Variants in VAV1 observed in about 807,000 individuals in gnomAD.
VAV1 encodes vav guanine nucleotide exchange factor 1, also known as proto-oncogene vav.
Under a neutral mutation model 128.1 loss-of-function variants are expected in VAV1, and 33 were observed. That is an observed-to-expected ratio of 0.26 (90% confidence interval 0.20 to 0.34). The LOEUF (loss-of-function observed/expected upper bound fraction) is 0.34. Among genes scored for constraint, VAV1 ranks in the 10% least tolerant of loss-of-function variants. The probability of loss-of-function intolerance (pLI) is 1.00; values close to 1 mark genes in which losing one functional copy is unlikely to be tolerated. For synonymous variants in VAV1, 394 were observed against 409.8 expected (o/e 0.96, Z 0.47); for missense variants, 715 against 1,093.7 (o/e 0.65, Z 4.88).
intron 21 of VAV1, among the ~76,000 whole-genome samples, chr19:6,840,566 T>C (rs1369847179): frequency 5.3e-5 from 8 of 152,108 alleles, no homozygotes; most frequent in Non-Finnish European, 1.2e-4. Context: ...CCCAAAGTGC[T>C]GGGATTACAG....
intron 1 of VAV1, among the ~76,000 whole-genome samples, chr19:6,817,465 C>T (rs888622040): frequency 2.6e-5 from 4 of 152,040 alleles, no homozygotes; most frequent in African/African-American, 9.7e-5. Context: ...CCAGGCCCCA[C>T]CTCCATCCAT....
In VAV1 at chr19:6,779,895, A is replaced by G. The variant is rs528971666; in HGVS notation, c.204+6884A>G. Among the ~76,000 whole-genome samples, 1,219 of 149,516 alleles carry G rather than the reference A, an allele frequency of 8.2e-3. 17 individuals are homozygous for G. Among genetic ancestry groups the G allele is most frequent in the African/African-American group, 0.027 (1,114 of 41,190 alleles). On this transcript the variant is annotated intron_variant, in intron 1 of 26. Transcript: ENST00000602142. Reference sequence around the variant, plus strand: ...GGGAGGCCGAGGCGGGCGGATCACAAGGTCAGGAGATCGAGACCATCCTGG... The same window carrying G: ...GGGAGGCCGAGGCGGGCGGATCACAGGGTCAGGAGATCGAGACCATCCTGG...
chr19:6,776,328 T>TCATC (rs1189319468), intron 1 of VAV1, among the ~76,000 whole-genome samples: 2 of 72,738 alleles, frequency 2.7e-5, no homozygotes, highest in Non-Finnish European at 5.4e-5. Context: ...ATCCATCTGC[T>TCATC]CATCCATTCA....
At chr19:6,849,105 C>T (rs1972601264) in intron 23 of VAV1, among the ~76,000 whole-genome samples, 1 of 150,406 alleles carries the variant, frequency 6.6e-6, no homozygotes, top group Admixed American at 6.6e-5. Context: ...TTTTTTTCAA[C>T]TTATTTTAGA....
intron 1 of VAV1, among the ~76,000 whole-genome samples, chr19:6,774,427 CTTTTTT>C (rs1002823385): frequency 1.1e-5 from 1 of 91,568 alleles, no homozygotes; most frequent in African/African-American, 5.6e-5. Context: ...CGCGCCCAGC[CTTTTTT>C]TTTTTTTTTT....
chr19:6,785,906 G>A (rs1286523132), intron 1 of VAV1, among the ~76,000 whole-genome samples: 1 of 151,946 alleles, frequency 6.6e-6, no homozygotes. Context: ...TGATCCGCCC[G>A]TCTCGGCCTC....
At chr19:6,833,105 C>T in intron 15 of VAV1, 79 bp from the exon 16 acceptor site, 1 of 1,306,802 alleles carries the variant, frequency 7.7e-7, no homozygotes, top group Non-Finnish European at 1.1e-6. Context: ...TCTGTTCATA[C>T]CATGGAATAG....
At chr19:6,830,461 A>G (rs1281678098) in intron 14 of VAV1, among the ~76,000 whole-genome samples, 1 of 151,832 alleles carries the variant, frequency 6.6e-6, no homozygotes, top group East Asian at 2.0e-4. Context: ...TTTGTTTTTG[A>G]GACAGTCTCA....
At chr19:6,851,169 TAG>T (rs905008722) in intron 24 of VAV1, among the ~76,000 whole-genome samples, 4 of 151,458 alleles carry the variant, frequency 2.6e-5, no homozygotes, top group East Asian at 1.9e-4. Context: ...TATAGATAGA[TAG>T]AGAGAGAGAG....
chr19:6,847,714 G>A lies in VAV1; in HGVS notation c.2013-284G>A, dbSNP rs186735526. ...TCAGGAAATGCCTGGTGAAGCCATC[G>A]CCAAATTCCAGACACCCAGCCAGAC... is the stretch of plus-strand genomic sequence containing the variant. On this transcript the variant is annotated intron_variant, in intron 22 of 26. Transcript: ENST00000602142. Among the ~76,000 whole-genome samples, 429 of 151,772 alleles carry A rather than the reference G, an allele frequency of 2.8e-3. 4 individuals are homozygous for A. The highest frequency in any genetic ancestry group is 0.017 in the Middle Eastern group (5 of 294).
chr19:6,830,044 G>T, intron 14 of VAV1, 126 bp downstream of exon 14: 1 of 1,443,028 alleles, frequency 6.9e-7, no homozygotes, highest in Non-Finnish European at 9.4e-7. Flanking sequence ...CACTCAACAG[G>T]TGTTTTTTGT....
chr19:6,837,094 G>A, intron 21 of VAV1, 44 bp downstream of exon 21: 1 of 1,604,000 alleles, frequency 6.2e-7, no homozygotes, highest in Non-Finnish European at 8.5e-7. Context: ...AGGGGTCCAG[G>A]GCGGGTCCTG....
chr19:6,853,177 A>G, intron 25 of VAV1, 98 bp downstream of exon 25: 1 of 989,224 alleles, frequency 1.0e-6, no homozygotes. Flanking sequence ...ATGGCCTTGC[A>G]GAGGTCATAT....
At chr19:6,781,886 G>C (rs958446763) in intron 1 of VAV1, among the ~76,000 whole-genome samples, 3 of 152,130 alleles carry the variant, frequency 2.0e-5, no homozygotes, top group African/African-American at 7.2e-5. Context: ...GGGATTACAG[G>C]CATCTCTTAC....
intron 26 of VAV1, among the ~76,000 whole-genome samples, chr19:6,855,728 C>T (rs1972778925): frequency 6.6e-6 from 1 of 152,092 alleles, no homozygotes; most frequent in Admixed American, 6.6e-5. Context: ...TTAATTCATC[C>T]ATCCATCCAT....
Position 6,774,907 on chromosome 19 carries a change from A to G in VAV1, c.204+1896A>G, listed in dbSNP as rs907041130. Among the ~76,000 whole-genome samples, 3 of 145,894 alleles carry G rather than the reference A, an allele frequency of 2.1e-5. No homozygotes were observed. The Admixed American group carries it at 2.1e-4, about 10-fold the overall frequency. On this transcript the variant is annotated intron_variant, in intron 1 of 26. Transcript: ENST00000602142. ...GTAGCTGCGACTACAGGCACACATCACCATGCCTGCCTAATTTTTTTTTTT... is the reference window on the plus strand; with the variant it reads ...GTAGCTGCGACTACAGGCACACATCGCCATGCCTGCCTAATTTTTTTTTTT...
rs879517984 is a variant in VAV1, at chr19:6,814,714, T to TTCTTTCTTTCTC, written c.205-5977_205-5976insCTCTTTCTTTCT. Among the ~76,000 whole-genome samples the TTCTTTCTTTCTC allele has an allele frequency of 9.2e-4, 129 of 140,390 alleles. 1 individual carries two copies. The highest frequency in any genetic ancestry group is 1.8e-3 in the Admixed American group (24 of 13,660). 92.1% of individuals were successfully genotyped at this position (140,390 alleles called of 152,430 possible). On this transcript the variant is annotated intron_variant, in intron 1 of 26. Coordinates refer to ENST00000602142, the MANE Select transcript of VAV1 (RefSeq NM_005428.4). The stretch of plus-strand genomic sequence containing the variant: ...TTTCTTTCTTTCTTTCTTTCTTTCT[T>TTCTTTCTTTCTC]TCTTTCTTTCTTTCTTTCCTTTTTC...
chr19:6,791,832 C>T (rs1971024492), intron 1 of VAV1, among the ~76,000 whole-genome samples: 1 of 152,054 alleles, frequency 6.6e-6, no homozygotes, highest in Non-Finnish European at 1.5e-5. Flanking sequence ...GGAGGAGGAG[C>T]CAGCTCTGGG....
Position 6,857,167 on chromosome 19 carries a change from C to T in VAV1, c.*60C>T. 1 of 1,608,912 alleles carries T rather than the reference C, an allele frequency of 6.2e-7. No homozygotes were observed. The highest frequency in any genetic ancestry group is 8.5e-7 in the Non-Finnish European group (1 of 1,178,052). On this transcript the variant is annotated 3_prime_UTR_variant, in exon 27 of 27. Transcript: ENST00000602142. ...AGGCTCTGAGCCCGGCGTGGGCAGG[C>T]AGCGGAGCCAGGGGCTGTGACAGCT...
Sources: gnomAD v4.1 joint callset for allele counts (sites outside exome capture counted in the v4.1 genomes callset) on GRCh38, gnomAD v4.1.1 for gene constraint, MANE v1.5 for transcripts, NCBI Gene and HGNC (gene_info 2026-07-23, HGNC 2026-07-21) for gene names.